Variants in GRHL2 observed in about 807,000 individuals in gnomAD.
GRHL2 encodes the protein grainyhead-like protein 2 homolog.
Under a neutral mutation model 83.8 loss-of-function variants are expected in GRHL2, and 21 were observed. That is an observed-to-expected ratio of 0.25 (90% confidence interval 0.18 to 0.36). The LOEUF (loss-of-function observed/expected upper bound fraction) is 0.36, where lower values mean the gene tolerates loss of function less well. Among genes scored for constraint, GRHL2 ranks in the 10% least tolerant of loss-of-function variants. The probability of loss-of-function intolerance (pLI) is 1.00; values close to 1 mark genes in which losing one functional copy is unlikely to be tolerated. For synonymous variants in GRHL2, 280 were observed against 278.9 expected, an observed-to-expected ratio of 1.00 and a Z score of -0.04; for missense variants, 623 against 781.8, an observed-to-expected ratio of 0.80 and a Z score of 2.42.
At chr8:101,651,020 T>C (rs998286257) in intron 14 of GRHL2, among the ~76,000 whole-genome samples, 2 of 152,292 alleles carry the variant, frequency 1.3e-5, no homozygotes, top group Non-Finnish European at 2.9e-5. Flanking sequence ...ATGGAGTTTG[T>C]TGTTACTGGA....
At chr8:101,671,049 A>ATGGC (rs1484200495), downstream of GRHL2, among the ~76,000 whole-genome samples, 2 of 152,210 alleles carry the variant, frequency 1.3e-5, no homozygotes. Flanking sequence ...TGGAGCCAAG[A>ATGGC]TGGCTACATA....
chr8:101,568,165 G>A (rs1811752883), intron 4 of GRHL2, among the ~76,000 whole-genome samples: 1 of 152,202 alleles, frequency 6.6e-6, no homozygotes, highest in South Asian at 2.1e-4. Flanking sequence ...GTGGCTAGTT[G>A]ACTGAGGAAT....
At chr8:101,658,885 T>C (rs1813854851) in intron 14 of GRHL2, among the ~76,000 whole-genome samples, 1 of 152,212 alleles carries the variant, frequency 6.6e-6, no homozygotes, top group Non-Finnish European at 1.5e-5. Context: ...ATGTAATCTA[T>C]AGGACTTCCG....
intron 12 of GRHL2, 119 bp downstream of exon 12, chr8:101,637,047 C>T: frequency 1.1e-6 from 1 of 905,562 alleles, no homozygotes; most frequent in Non-Finnish European, 1.9e-6. Context: ...CCTCAGGACT[C>T]AGAGCTGAGA....
intron 1 of GRHL2, among the ~76,000 whole-genome samples, chr8:101,509,153 CCTTCCTTT>C (rs1375298448): frequency 1.0e-4 from 2 of 19,862 alleles, no homozygotes; most frequent in South Asian, 2.1e-3. Context: ...TTCCTTCCTT[CCTTCCTTT>C]CTTTCTTTCT....
chr8:101,680,349 A>T, the GRHL2 span, among the ~76,000 whole-genome samples: 36 of 144,858 alleles, frequency 2.5e-4, no homozygotes, highest in East Asian at 7.6e-3. Context: ...ATAATGGTAA[A>T]GGGATCAATT....
intron 5 of GRHL2, 55 bp downstream of exon 5, chr8:101,570,449 T>G (rs998896552): frequency 1.2e-5 from 16 of 1,378,764 alleles, no homozygotes; most frequent in African/African-American, 2.8e-5. Context: ...AACCTTTAAA[T>G]GTACCTTCGA....
At chr8:101,595,315 G>T (rs1189962298) in intron 7 of GRHL2, among the ~76,000 whole-genome samples, 1 of 152,174 alleles carries the variant, frequency 6.6e-6, no homozygotes, top group African/African-American at 2.4e-5. Flanking sequence ...TTTAACAGAA[G>T]ACATTTTTTA....
intron 1 of GRHL2, among the ~76,000 whole-genome samples, chr8:101,509,626 T>A (rs937314108): frequency 6.6e-6 from 1 of 152,162 alleles, no homozygotes; most frequent in African/African-American, 2.4e-5. Context: ...CCTCTTATGG[T>A]TAGCCTTTTA....
intron 2 of GRHL2, among the ~76,000 whole-genome samples, chr8:101,546,799 G>A (rs992317319): frequency 5.9e-5 from 9 of 152,148 alleles, no homozygotes; most frequent in African/African-American, 2.2e-4. Context: ...GGGTGATTAA[G>A]TACTAGTAAA....
the GRHL2 span, among the ~76,000 whole-genome samples, chr8:101,676,849 G>A: frequency 6.6e-6 from 1 of 152,120 alleles, no homozygotes; most frequent in Admixed American, 6.5e-5. Flanking sequence ...AAGAAAATGG[G>A]GCACATATAC....
chr8:101,543,971 C>T (rs1359332345), intron 2 of GRHL2: 1 of 177,640 alleles, frequency 5.6e-6, no homozygotes, highest in African/African-American at 2.4e-5. Context: ...AGTGGAAACC[C>T]CTGATAAAAC....
intron 13 of GRHL2, among the ~76,000 whole-genome samples, chr8:101,645,729 C>T (rs946130847): frequency 6.6e-6 from 1 of 152,058 alleles, no homozygotes; most frequent in African/African-American, 2.4e-5. Flanking sequence ...ACTCCGTGTT[C>T]GCTGTTGTAA....
rs1814128879 is a variant in GRHL2 at position 101,668,452 on chromosome 8, G to T, written c.*1749G>T. 6.5e-6 allele frequency: 1 copy of T among 152,842 alleles called. No homozygotes were observed. The highest frequency in any genetic ancestry group is 6.5e-5 in the Admixed American group (1 of 15,288). The allele number at this position is 152,842 out of a possible 1,614,324, so 9.5% of individuals were successfully genotyped here. ...CTTGAGGTTGCGGAGGAATTGAATT[G>T]AATGGGACAGAGGGCAGGTGCTGTG... On this transcript the variant is annotated 3_prime_UTR_variant, in exon 16 of 16. Coordinates refer to ENST00000646743, the MANE Select transcript of GRHL2 (RefSeq NM_024915.4).
chr8:101,636,708 T>C, intron 11 of GRHL2, 189 bp from the exon 12 acceptor site: 1 of 602,712 alleles, frequency 1.7e-6, no homozygotes, highest in South Asian at 2.0e-5. Flanking sequence ...AACTTAAATA[T>C]GCATTTCCTT....
intron 1 of GRHL2, among the ~76,000 whole-genome samples, chr8:101,494,312 C>A (rs1337644846): frequency 1.3e-5 from 2 of 152,138 alleles, no homozygotes; most frequent in East Asian, 1.9e-4. Context: ...TTAGGCGAAC[C>A]TAAGAAAATG....
At chr8:101,586,948 T>C (rs1274946869) in intron 7 of GRHL2, among the ~76,000 whole-genome samples, 1 of 152,190 alleles carries the variant, frequency 6.6e-6, no homozygotes, top group Non-Finnish European at 1.5e-5. Flanking sequence ...TATAAACATT[T>C]TGATATAACT....
intron 5 of GRHL2, 90 bp downstream of exon 5, chr8:101,570,484 T>G: frequency 9.6e-7 from 1 of 1,042,924 alleles, no homozygotes; most frequent in Non-Finnish European, 1.5e-6. Context: ...CCTTTTTTCT[T>G]TGTAAACTTG....
At position 101,631,556 on chromosome 8, in the gene GRHL2, C is replaced by T. The variant is rs74745593; in HGVS notation, c.1258-81C>T. The T allele has an allele frequency of 3.0e-3, 3,304 of 1,086,038 alleles. 60 individuals are homozygous for T. The African/African-American group carries it at 0.044, about 15-fold the overall frequency. 67.3% of individuals were successfully genotyped at this position (1,086,038 alleles called of 1,614,324 possible). On this transcript the variant is annotated intron_variant, in intron 9 of 15. Transcript: ENST00000646743. ...CTCCTCCCCTGTATTGTTTCATATC[C>T]TCATGACTTATGTGTGACATGACTT...
Sources: gnomAD v4.1 joint callset for allele counts (sites outside exome capture counted in the v4.1 genomes callset) on GRCh38, gnomAD v4.1.1 for gene constraint, MANE v1.5 for transcripts, NCBI Gene and HGNC (gene_info 2026-07-23, HGNC 2026-07-21) for gene names.